Variants in MSANTD2 observed in about 807,000 individuals in gnomAD.
MSANTD2 encodes Myb/SANT DNA binding domain containing 2.
In MSANTD2, 19 loss-of-function variants were observed where a neutral mutation model predicts 52.6. The observed-to-expected ratio is 0.36, with a 90% CI of 0.25 to 0.53. The LOEUF is 0.53. Among genes scored for constraint, MSANTD2 ranks in the 20% least tolerant of loss-of-function variants. The probability of loss-of-function intolerance (pLI) is 0.91; values close to 1 mark genes in which losing one functional copy is unlikely to be tolerated. For synonymous variants in MSANTD2, 291 were observed against 289.7 expected (o/e 1.00, Z -0.04); for missense variants, 558 against 716.3 (o/e 0.78, Z 2.52).
At chr11:124,782,555 G>C (rs763580484) in intron 1 of MSANTD2, among the ~76,000 whole-genome samples, 7 of 152,098 alleles carry the variant, frequency 4.6e-5, no homozygotes, top group Non-Finnish European at 8.8e-5. Context: ...AGGAAGCAAG[G>C]CCCAAAGATA....
chr11:124,769,722 C>T (rs899696452), intron 3 of MSANTD2, among the ~76,000 whole-genome samples: 3 of 152,192 alleles, frequency 2.0e-5, no homozygotes, highest in African/African-American at 7.2e-5. Flanking sequence ...TTCAGCTAAT[C>T]CCACCTATAC....
At chr11:124,773,589 C>T (rs1002497331) in intron 2 of MSANTD2, among the ~76,000 whole-genome samples, 2 of 152,318 alleles carry the variant, frequency 1.3e-5, no homozygotes, top group South Asian at 2.1e-4. Context: ...TTCTTCTAAT[C>T]GTTAAGTCCA....
rs1385175746 is a variant in MSANTD2 at position 124,779,914 on chromosome 11, A to G, written c.511-4940T>C. Among the ~76,000 whole-genome samples the G allele has an allele frequency of 6.6e-6, 1 of 152,216 alleles. No homozygotes were observed. The highest frequency in any genetic ancestry group is 2.4e-5 in the African/African-American group (1 of 41,474). On this transcript the variant is annotated intron_variant, in intron 1 of 3. Transcript: ENST00000374979. This position sits in a 1 kb window ranked among gnomAD's most constrained non-coding sequence, Gnocchi z 4.6. ...ATTTCCAGTGACTAATTTTCTTATAAAATTGTTAAAAATGATACCTCAGAC... is the reference window on the plus strand; with the variant it reads ...ATTTCCAGTGACTAATTTTCTTATAGAATTGTTAAAAATGATACCTCAGAC...
In MSANTD2 at chr11:124,766,790, G is replaced by C. The variant is rs537628951; in HGVS notation, c.*386C>G. The C allele has an allele frequency of 6.1e-6, 1 of 162,846 alleles. No homozygotes were observed. The allele number at this position is 162,846 out of a possible 1,614,324, so 10.1% of individuals were successfully genotyped here. On this transcript the variant is annotated 3_prime_UTR_variant, in exon 4 of 4. Transcript: ENST00000374979. ...TAGAGACATAGAGATGTGTAAAAAT[G>C]AAACATTGTGAAAAAAATACAATTT...
intron 1 of MSANTD2, among the ~76,000 whole-genome samples, chr11:124,799,588 CAAT>C (rs1945615371): frequency 1.3e-5 from 2 of 150,388 alleles, no homozygotes; most frequent in Non-Finnish European, 1.5e-5. Flanking sequence ...GCACGGCGCA[CAAT>C]GAGAAACTAC....
chr11:124,791,836 T>G (rs1168802176), intron 1 of MSANTD2: 2 of 472,264 alleles, frequency 4.2e-6, no homozygotes, highest in East Asian at 8.1e-5. Flanking sequence ...GTGCATTCAC[T>G]GTGTATACTG....
rs776754852 is a variant in MSANTD2, at chr11:124,800,402, A to C, written c.-22T>G. 1.2e-5 allele frequency: 18 copies of C among 1,475,066 alleles called. No homozygotes were observed. The highest frequency in any genetic ancestry group is 1.2e-5 in the Non-Finnish European group (13 of 1,110,582). 91.4% of individuals were successfully genotyped at this position (1,475,066 alleles called of 1,614,324 possible). ...CCATCTTCCAAGCGGCCGCCGCTGC[A>C]CCGCCCGGAAGTGACGCGCCCGCGC... is the stretch of plus-strand genomic sequence containing the variant. On this transcript the variant is annotated 5_prime_UTR_variant, in exon 1 of 4. Coordinates refer to ENST00000374979, the MANE Select transcript of MSANTD2 (RefSeq NM_001308027.2). The surrounding 1 kb of genome is among the most constrained non-coding windows in gnomAD (Gnocchi z 4.3).
At chr11:124,786,595 A>C (rs956820558) in intron 1 of MSANTD2, among the ~76,000 whole-genome samples, 1 of 152,194 alleles carries the variant, frequency 6.6e-6, no homozygotes, top group African/African-American at 2.4e-5. Context: ...TTTATCTGAG[A>C]TCTTGAATGA....
chr11:124,800,367 C>T lies in MSANTD2; in HGVS notation c.14G>A (p.Cys5Tyr). Reference protein sequence around the residue: MAAPCGSELPANSPL... With the variant: MAAPYGSELPANSPL... The stretch of plus-strand genomic sequence containing the variant: ...CGAGTTGGCGGGCAGCTCCGAGCCA[C>T]AGGGCGCAGCCATCTTCCAAGCGGC... The change falls in exon 1 of 4, where the codon TGT becomes TAT. Residue 5 changes from cysteine (C) to tyrosine (Y), a missense_variant. By Grantham distance (194) the Cys-to-Tyr change is radical. Coordinates refer to ENST00000374979, the MANE Select transcript of MSANTD2 (RefSeq NM_001308027.2). This position sits in a 1 kb window ranked among gnomAD's most constrained non-coding sequence, Gnocchi z 4.3. The T allele has an allele frequency of 6.5e-7, 1 of 1,531,712 alleles. No individual in the cohort carries two copies. The highest frequency in any genetic ancestry group is 8.8e-7 in the Non-Finnish European group (1 of 1,140,198). The allele number at this position is 1,531,712 out of a possible 1,614,324, so 94.9% of individuals were successfully genotyped here.
intron 1 of MSANTD2, among the ~76,000 whole-genome samples, chr11:124,796,755 CAT>C (rs1945508120): frequency 6.6e-6 from 1 of 152,200 alleles, no homozygotes; most frequent in Non-Finnish European, 1.5e-5. Flanking sequence ...TCCTTTTCCA[CAT>C]CTTACTACTT....
intron 1 of MSANTD2, chr11:124,789,899 T>C (rs567234596): frequency 3.9e-5 from 6 of 152,318 alleles, no homozygotes; most frequent in Non-Finnish European, 8.8e-5. Flanking sequence ...CAGAACACAG[T>C]GGAGGAACCC....
intron 1 of MSANTD2, chr11:124,784,158 A>G (rs571222090): frequency 1.2e-3 from 427 of 370,658 alleles, no homozygotes; most frequent in South Asian, 4.8e-3. Flanking sequence ...CCTGAAAGGG[A>G]AAAAAAAAAA....
chr11:124,773,243 G>T, intron 2 of MSANTD2, 189 bp from the exon 3 acceptor site: 1 of 437,272 alleles, frequency 2.3e-6, no homozygotes, highest in Non-Finnish European at 4.0e-6. Flanking sequence ...ACATTTATAT[G>T]TAACATCAGA....
chr11:124,772,572 C>T (rs561944349), intron 3 of MSANTD2, among the ~76,000 whole-genome samples: 1 of 152,032 alleles, frequency 6.6e-6, no homozygotes, highest in East Asian at 1.9e-4. Flanking sequence ...CCCATCTCTA[C>T]TAAATGTACA....
At chr11:124,790,287 G>GC (rs894219151) in intron 1 of MSANTD2, 4 of 152,192 alleles carry the variant, frequency 2.6e-5, no homozygotes, top group Admixed American at 6.5e-5. Context: ...TATGGTAGAG[G>GC]AAATACAGAC....
intron 1 of MSANTD2, 108 bp downstream of exon 1, chr11:124,799,763 G>T: frequency 1.4e-6 from 1 of 740,558 alleles, no homozygotes; most frequent in South Asian, 2.0e-5. Context: ...ATCGCCCACC[G>T]GGCCCCGGAG....
At chr11:124,794,848 T>A (rs909154510) in intron 1 of MSANTD2, among the ~76,000 whole-genome samples, 3 of 152,158 alleles carry the variant, frequency 2.0e-5, no homozygotes, top group Non-Finnish European at 4.4e-5. Context: ...ATCATTTTGT[T>A]CTCTGGGCAG....
chr11:124,797,415 T>C (rs1945528705), intron 1 of MSANTD2, among the ~76,000 whole-genome samples: 1 of 152,172 alleles, frequency 6.6e-6, no homozygotes, highest in Non-Finnish European at 1.5e-5. Context: ...GAGCATCACT[T>C]AGGTCCAGGA....
intron 1 of MSANTD2, chr11:124,784,030 G>C (rs10466604): frequency 0.22 from 218,550 of 984,832 alleles, 31,362 homozygotes; most frequent in African/African-American, 0.7. Flanking sequence ...CTATTTACAA[G>C]AATACAGGTC....
Sources: allele counts gnomAD v4.1 joint callset (sites outside exome capture counted in the v4.1 genomes callset), GRCh38; gene constraint gnomAD v4.1.1; non-coding constraint Gnocchi (gnomAD v3.1); transcripts MANE v1.5; gene names NCBI Gene and HGNC (gene_info 2026-07-23, HGNC 2026-07-21).